The following CYTH1 variants were observed in gnomAD, a reference collection of about 807,000 sequenced individuals.
CYTH1 encodes cytohesin 1, also known as cytohesin-1.
In CYTH1, 18 loss-of-function variants were observed where a neutral mutation model predicts 61.8. The ratio of observed to expected loss-of-function variants is 0.29; its 90% confidence interval spans 0.20 to 0.43. The LOEUF (loss-of-function observed/expected upper bound fraction) is 0.43. Ranked by LOEUF, CYTH1 falls within the 20% of genes least tolerant of loss-of-function variation. The pLI, the probability that CYTH1 is intolerant of heterozygous loss-of-function variation, is 1.00. For synonymous variants in CYTH1, 174 were observed against 184.3 expected, an observed-to-expected ratio of 0.94 and a Z score of 0.45; for missense variants, 336 against 510.5, an observed-to-expected ratio of 0.66 and a Z score of 3.29.
chr17:78,696,932 A>G (rs893046264), intron 9 of CYTH1: 7 of 152,304 alleles, frequency 4.6e-5, no homozygotes, highest in African/African-American at 1.7e-4. Context: ...AAGGCTGCCT[A>G]TGGGGTTAGT....
intron 3 of CYTH1, among the ~76,000 whole-genome samples, chr17:78,706,463 G>A (rs954577098): frequency 6.6e-5 from 10 of 152,344 alleles, no homozygotes; most frequent in East Asian, 1.9e-4. Context: ...GCTGCTGCAC[G>A]CTAGCAGTTC....
At chr17:78,781,762 C>T (rs1262368751) in intron 1 of CYTH1, among the ~76,000 whole-genome samples, 1 of 151,960 alleles carries the variant, frequency 6.6e-6, no homozygotes, top group African/African-American at 2.4e-5. Flanking sequence ...GGCGGCAGGG[C>T]CAGCGACCTC....
At chr17:78,702,267 T>C (rs1307500713) in intron 4 of CYTH1, 27 bp from the exon 5 acceptor site, 1 of 1,570,504 alleles carries the variant, frequency 6.4e-7, no homozygotes, top group Non-Finnish European at 8.8e-7. Flanking sequence ...AAGACGCCAA[T>C]GATGCTTTGC....
intron 1 of CYTH1, among the ~76,000 whole-genome samples, chr17:78,777,057 G>A (rs534191694): frequency 4.6e-5 from 7 of 151,952 alleles, no homozygotes; most frequent in African/African-American, 9.7e-5. Context: ...TCTGGGAGGC[G>A]GAGGTTGCGG....
At chr17:78,687,537 C>T (rs118039212) in intron 11 of CYTH1, among the ~76,000 whole-genome samples, 2,218 of 152,336 alleles carry the variant, frequency 0.015, 18 homozygotes, top group Non-Finnish European at 0.022. Context: ...AGATCCATTC[C>T]TTTCCAGTTC....
chr17:78,761,976 T>A (rs1014536009), intron 1 of CYTH1, among the ~76,000 whole-genome samples: 1 of 152,194 alleles, frequency 6.6e-6, no homozygotes, highest in African/African-American at 2.4e-5. Context: ...AGTAACAGCA[T>A]CTGGCCTGCT....
At chr17:78,782,155 A>T in intron 1 of CYTH1, 47 bp downstream of exon 1, 2 of 1,332,192 alleles carry the variant, frequency 1.5e-6, no homozygotes. Flanking sequence ...CCCGGAGGGG[A>T]CTGGGGGACA....
chr17:78,751,794 A>G (rs1314251884), intron 1 of CYTH1, among the ~76,000 whole-genome samples: 1 of 152,208 alleles, frequency 6.6e-6, no homozygotes, highest in African/African-American at 2.4e-5. Context: ...ATATCAAATG[A>G]TAATTTCATC....
intron 11 of CYTH1, among the ~76,000 whole-genome samples, chr17:78,684,419 A>G (rs1277423279): frequency 1.3e-5 from 2 of 152,260 alleles, no homozygotes; most frequent in East Asian, 1.9e-4. Context: ...GGCAGGCCTA[A>G]TAACAGGCAG....
At chr17:78,769,145 C>CAA (rs11291374) in intron 1 of CYTH1, among the ~76,000 whole-genome samples, 1 of 141,692 alleles carries the variant, frequency 7.1e-6, no homozygotes. Flanking sequence ...GACTATGTCT[C>CAA]AAAAAAAAAA....
At chr17:78,727,803 A>G (rs931404988) in intron 1 of CYTH1, 5 of 451,720 alleles carry the variant, frequency 1.1e-5, no homozygotes, top group African/African-American at 2.0e-5. Flanking sequence ...ACCGTCCCCT[A>G]TCTCCTGCCC....
rs557528915 is a variant in CYTH1, at chr17:78,721,164, T to C, written c.23-11432A>G. On this transcript the variant is annotated intron_variant, in intron 1 of 13. Coordinates refer to ENST00000446868, the MANE Select transcript of CYTH1 (RefSeq NM_004762.6). The stretch of plus-strand genomic sequence containing the variant: ...GGCCAACGTGGTGAAACCCTGTCTC[T>C]ACTAAAAATACAAAAATTAGCCAGG... Among the ~76,000 whole-genome samples the C allele has an allele frequency of 1.8e-4, 27 of 152,214 alleles. No homozygotes were observed. In the East Asian group the frequency reaches 5.2e-3, roughly 29 times the overall value.
At chr17:78,686,123 G>A (rs151196520) in intron 11 of CYTH1, among the ~76,000 whole-genome samples, 19 of 152,200 alleles carry the variant, frequency 1.2e-4, no homozygotes, top group African/African-American at 4.1e-4. Context: ...TATTGGGATC[G>A]TCTTCTGTTC....
intron 1 of CYTH1, among the ~76,000 whole-genome samples, chr17:78,765,951 G>A (rs1031085696): frequency 5.3e-5 from 8 of 152,052 alleles, no homozygotes; most frequent in Admixed American, 2.0e-4. Context: ...ATTCCAATGA[G>A]GCCCTGTCAA....
intron 8 of CYTH1, 88 bp downstream of exon 8, chr17:78,698,732 T>A: frequency 7.1e-7 from 1 of 1,402,416 alleles, no homozygotes; most frequent in South Asian, 1.5e-5. Context: ...TGATAAATTG[T>A]ATGTTTTTTC....
At chr17:78,743,110 T>C (rs2093347511) in intron 1 of CYTH1, among the ~76,000 whole-genome samples, 1 of 152,244 alleles carries the variant, frequency 6.6e-6, no homozygotes, top group South Asian at 2.1e-4. Flanking sequence ...GTAACTATTT[T>C]TGTAGAGACA....
chr17:78,725,586 C>T (rs896543552), intron 1 of CYTH1, among the ~76,000 whole-genome samples: 64 of 152,156 alleles, frequency 4.2e-4, no homozygotes, highest in African/African-American at 1.4e-3. Flanking sequence ...AGTTCTGACC[C>T]GTGACTCTCT....
chr17:78,780,033 C>T (rs574560976), intron 1 of CYTH1, among the ~76,000 whole-genome samples: 1 of 152,176 alleles, frequency 6.6e-6, no homozygotes, highest in Non-Finnish European at 1.5e-5. Flanking sequence ...CGGCAGCAGG[C>T]AAGAACACAA....
At chr17:78,691,729 C>G (rs528131675) in intron 11 of CYTH1, 1 of 152,192 alleles carries the variant, frequency 6.6e-6, no homozygotes, top group African/African-American at 2.4e-5. Context: ...GTCTCCACAC[C>G]AAGTGCTAAC....
Sources: allele counts gnomAD v4.1 joint callset (sites outside exome capture counted in the v4.1 genomes callset), GRCh38; gene constraint gnomAD v4.1.1; transcripts MANE v1.5; gene names NCBI Gene and HGNC (gene_info 2026-07-23, HGNC 2026-07-21).